The following NNMT variants were observed in gnomAD, a reference collection of about 807,000 sequenced individuals.
NNMT encodes the protein nicotinamide N-methyltransferase.
NNMT carries 10 observed loss-of-function variants against 11.7 expected under a neutral mutation model. The ratio of observed to expected loss-of-function variants is 0.85; its 90% confidence interval spans 0.53 to 1.45. The LOEUF is 1.45. Among genes scored for constraint, NNMT ranks in the 40% most tolerant of loss-of-function variants. The pLI, the probability that NNMT is intolerant of heterozygous loss-of-function variation, is 0.00. For missense variants in NNMT, 381 were observed against 319.4 expected, an observed-to-expected ratio of 1.19 and a Z score of -1.47; for synonymous variants, 143 against 133.8, an observed-to-expected ratio of 1.07 and a Z score of -0.48.
In NNMT at chr11:114,296,812, T is replaced by G. The variant is rs535075549; in HGVS notation, c.154+102T>G. On this transcript the variant is annotated intron_variant, in intron 1 of 2. Coordinates refer to ENST00000299964, the MANE Select transcript of NNMT (RefSeq NM_006169.3). ...GTCTCTCGTTGTTGCTTCACAGCCC[T>G]TTTGGCATCACCCATTTATTTAACT... is the stretch of plus-strand genomic sequence containing the variant. 6 of 1,106,746 alleles carry G rather than the reference T, an allele frequency of 5.4e-6. No homozygotes were observed. In the South Asian group the frequency reaches 7.1e-5, roughly 13 times the overall value. 68.6% of individuals were successfully genotyped at this position (1,106,746 alleles called of 1,614,324 possible).
At chr11:114,306,582 C>T (rs1945494079) in intron 2 of NNMT, among the ~76,000 whole-genome samples, 1 of 152,066 alleles carries the variant, frequency 6.6e-6, no homozygotes, top group Admixed American at 6.6e-5. Flanking sequence ...GCCAGTTTTC[C>T]CAGCACCATT....
At chr11:114,271,915 C>T (rs1278373157) in intron 2 of NNMT, among the ~76,000 whole-genome samples, 1 of 151,850 alleles carries the variant, frequency 6.6e-6, no homozygotes, top group Non-Finnish European at 1.5e-5. Flanking sequence ...CCCTAAGCTG[C>T]TAAAAAGCCT....
intron 2 of NNMT, among the ~76,000 whole-genome samples, chr11:114,272,233 G>C (rs571862159): frequency 6.6e-6 from 1 of 152,140 alleles, no homozygotes; most frequent in Non-Finnish European, 1.5e-5. Flanking sequence ...CCCATAGCCC[G>C]CCTGGACTAC....
rs77997766 is a variant in NNMT at position 114,275,152 on chromosome 11, A to G, written c.-130+12218A>G. 6.1e-3 allele frequency among the ~76,000 whole-genome samples: 936 copies of G among 152,300 alleles called. 7 individuals carry two copies. Among genetic ancestry groups the G allele is most frequent in the African/African-American group, 0.02 (830 of 41,548 alleles). On this transcript the variant is annotated intron_variant, in intron 2 of 4. Coordinates refer to the NNMT transcript ENST00000535401. ...AAGACAATAACATTTGTAATACACT[A>G]TTGAAGAGCTGTAAAGAGTAACCCT...
intron 2 of NNMT, among the ~76,000 whole-genome samples, chr11:114,305,622 G>A (rs1433243985): frequency 6.6e-6 from 1 of 151,438 alleles, no homozygotes; most frequent in Non-Finnish European, 1.5e-5. Flanking sequence ...CCTTGAGATA[G>A]TTTGCTCAGA....
At chr11:114,271,025 C>T (rs1945165052) in intron 2 of NNMT, among the ~76,000 whole-genome samples, 1 of 152,160 alleles carries the variant, frequency 6.6e-6, no homozygotes, top group South Asian at 2.1e-4. Context: ...GATCCACCTG[C>T]CTCAGCCTTC....
At chr11:114,300,252 G>A (rs1188101888) in intron 2 of NNMT, among the ~76,000 whole-genome samples, 1 of 151,550 alleles carries the variant, frequency 6.6e-6, no homozygotes, top group Non-Finnish European at 1.5e-5. Flanking sequence ...TCTTGTATGT[G>A]GTATTTTTAT....
At chr11:114,283,472 G>A (rs1251668610) in intron 2 of NNMT, among the ~76,000 whole-genome samples, 3 of 152,168 alleles carry the variant, frequency 2.0e-5, no homozygotes, top group Admixed American at 6.5e-5. Context: ...CAAACACCTT[G>A]GGATGGTTGT....
chr11:114,279,868 G>A (rs1945246595), intron 2 of NNMT, among the ~76,000 whole-genome samples: 1 of 152,160 alleles, frequency 6.6e-6, no homozygotes, highest in African/African-American at 2.4e-5. Flanking sequence ...GGGAGATAAT[G>A]GAGTCTTTAC....
At chr11:114,268,449 T>A (rs1181588297) in intron 2 of NNMT, among the ~76,000 whole-genome samples, 1 of 152,074 alleles carries the variant, frequency 6.6e-6, no homozygotes, top group Non-Finnish European at 1.5e-5. Context: ...AAACCAGCCA[T>A]GCAACCAAGC....
chr11:114,309,710 A>T (rs1945532154), intron 2 of NNMT, among the ~76,000 whole-genome samples: 1 of 152,208 alleles, frequency 6.6e-6, no homozygotes. Context: ...TGCAACCTTC[A>T]TCACAATCAA....
At chr11:114,264,250 C>A (rs1430284351) in intron 2 of NNMT, among the ~76,000 whole-genome samples, 4 of 152,082 alleles carry the variant, frequency 2.6e-5, no homozygotes, top group Admixed American at 1.3e-4. Flanking sequence ...ACCCATATTT[C>A]TCTCTTCCTT....
intron 2 of NNMT, chr11:114,269,542 T>A (rs967893808): frequency 2.0e-5 from 3 of 152,282 alleles, no homozygotes; most frequent in African/African-American, 7.2e-5. Flanking sequence ...AGTTTTCTAC[T>A]CATCCCTTAT....
chr11:114,291,255 G>A (rs952622034), intron 2 of NNMT, among the ~76,000 whole-genome samples: 12 of 152,190 alleles, frequency 7.9e-5, no homozygotes, highest in Non-Finnish European at 1.3e-4. Context: ...TCTGTGGTGT[G>A]AGAGCTAGTC....
chr11:114,305,353 T>TA lies in NNMT; in HGVS notation c.363-6690dup, dbSNP rs397754638. Among the ~76,000 whole-genome samples, 41 of 151,668 alleles carry TA rather than the reference T, an allele frequency of 2.7e-4. No individual in the cohort carries two copies. The East Asian group carries it at 4.3e-3, about 16-fold the overall frequency. On this transcript the variant is annotated intron_variant, in intron 2 of 2. Coordinates refer to ENST00000299964, the MANE Select transcript of NNMT (RefSeq NM_006169.3). ...AGAGTGGCTCCTCCTTTTTTTTTTT[T>TA]AATTTTTTATTATACTTTAAGTTCT...
At chr11:114,285,695 C>T (rs774550808) in intron 2 of NNMT, among the ~76,000 whole-genome samples, 7 of 152,212 alleles carry the variant, frequency 4.6e-5, no homozygotes, top group Non-Finnish European at 8.8e-5. Flanking sequence ...TTCCTGGCGA[C>T]TCACGCCTGC....
intron 2 of NNMT, 148 bp downstream of exon 2, chr11:114,298,306 A>T: frequency 1.5e-6 from 1 of 645,670 alleles, no homozygotes; most frequent in Admixed American, 2.8e-5. Flanking sequence ...AGATAGGCCC[A>T]TGTGTGTGCA....
At chr11:114,278,658 AGTGT>A (rs1945234509) in intron 2 of NNMT, among the ~76,000 whole-genome samples, 1 of 150,764 alleles carries the variant, frequency 6.6e-6, no homozygotes, top group African/African-American at 2.4e-5. Context: ...TGCATATGTG[AGTGT>A]GTGCACATGT....
chr11:114,261,408 C>T (rs980069757), intron 1 of NNMT, among the ~76,000 whole-genome samples: 11 of 152,092 alleles, frequency 7.2e-5, no homozygotes, highest in Non-Finnish European at 1.2e-4. Flanking sequence ...ATGGAGAAAC[C>T]CCATCTCTAC....
Sources: gnomAD v4.1 joint callset for allele counts (sites outside exome capture counted in the v4.1 genomes callset) on GRCh38, gnomAD v4.1.1 for gene constraint, MANE v1.5 for transcripts, NCBI Gene and HGNC (gene_info 2026-07-23, HGNC 2026-07-21) for gene names.